The following PLEC variants were observed in gnomAD, a reference collection of about 807,000 sequenced individuals.
The protein encoded by PLEC is plectin.
In PLEC, 216 loss-of-function variants were observed where a neutral mutation model predicts 392.8. The ratio of observed to expected loss-of-function variants is 0.55; its 90% CI spans 0.49 to 0.62. The LOEUF is 0.62. Ranked by LOEUF, PLEC falls within the 20% of genes least tolerant of loss-of-function variation. The pLI, the probability that PLEC is intolerant of heterozygous loss-of-function variation, is 0.00. For missense variants in PLEC, 6,863 were observed against 6,563.4 expected (o/e 1.05, Z -1.58); for synonymous variants, 3,621 against 2,980.6 (o/e 1.21, Z -7.00).
In PLEC at chr8:143,938,611, C is replaced by T. The variant is rs782484188; in HGVS notation, c.174+20G>A. The T allele has an allele frequency of 3.1e-6, 5 of 1,612,974 alleles. No individual in the cohort carries two copies. The highest frequency in any genetic ancestry group is 1.7e-5 in the Admixed American group (1 of 60,032). On this transcript the variant is annotated intron_variant, in intron 2 of 31. Transcript: ENST00000345136. ...CCACAGCCTCAGCCCCTGTGACACGCACCAGCATGCGCCACCAACCTTGAT... is the reference window on the plus strand; with the variant it reads ...CCACAGCCTCAGCCCCTGTGACACGTACCAGCATGCGCCACCAACCTTGAT...
rs1337092012 is a variant in PLEC, at chr8:143,927,328, A to T, written c.3764T>A (p.Leu1255Gln). ...REQLRQEQAL[L>Q]EEIERHGEKV... ...CTCGCCGTGGCGCTCGATCTCCTCC[A>T]GCAGGGCCTGGGTGATGGTGTGGTC... Residue 1255 changes from leucine to glutamine, a missense_variant, in exon 28 of 32, where the codon CTG becomes CAG. Leu to Gln is a moderately radical substitution (Grantham distance 113). Coordinates refer to ENST00000345136, the MANE Select transcript of PLEC (RefSeq NM_201384.3). The T allele has an allele frequency of 3.7e-6, 6 of 1,612,900 alleles. No homozygotes were observed. Among genetic ancestry groups the T allele is most frequent in the Non-Finnish European group, 5.1e-6 (6 of 1,179,926 alleles).
Position 143,927,581 on chromosome 8 carries a change from G to A in PLEC, c.3585C>T (p.Thr1195=), listed in dbSNP as rs782335843. The change falls in exon 27 of 32, where the codon ACC becomes ACT. Residue 1195 remains threonine, a synonymous_variant. Coordinates refer to ENST00000345136, the MANE Select transcript of PLEC (RefSeq NM_201384.3). ...GCTCGAGCTCGCGCTGCCGCACGTC[G>A]GTCTGGGCCAGCACAGCCTGCCAGC... ...LERWQAVLAQ[T]DVRQRELEQL... 9.7e-5 allele frequency: 154 copies of A among 1,589,792 alleles called. No homozygotes were observed. Among genetic ancestry groups the A allele is most frequent in the Middle Eastern group, 1.7e-4 (1 of 6,020 alleles).
At chr8:143,946,423 G>A (rs1587333020) in intron 1 of PLEC, 1 of 1,285,596 alleles carries the variant, frequency 7.8e-7, no homozygotes, top group Middle Eastern at 2.1e-4. Flanking sequence ...TGCTCCGAGA[G>A]CCGGCAGGGA....
upstream of PLEC, among the ~76,000 whole-genome samples, chr8:143,958,071 G>A (rs1414182051): frequency 1.3e-5 from 2 of 152,176 alleles, no homozygotes; most frequent in African/African-American, 4.8e-5. The surrounding 1 kb of genome is among the most constrained non-coding windows in gnomAD (Gnocchi z 4.9). Flanking sequence ...GCCTGAGCCT[G>A]CGGCAGGTCC....
intron 1 of PLEC, among the ~76,000 whole-genome samples, chr8:143,963,750 C>A (rs1415269180): frequency 6.6e-6 from 1 of 151,692 alleles, no homozygotes; most frequent in African/African-American, 2.4e-5. Context: ...TTAAGCAATC[C>A]TCCTACCTCC....
upstream of PLEC, chr8:143,975,399 A>G: frequency 6.3e-7 from 1 of 1,593,830 alleles, no homozygotes; most frequent in East Asian, 2.2e-5. The surrounding 1 kb of genome is among the most constrained non-coding windows in gnomAD (Gnocchi z 9.9). Flanking sequence ...AGGAGGGGTC[A>G]CATCTCTGCC....
At chr8:143,953,594 C>T (rs1554738065), upstream of PLEC, 6 of 998,818 alleles carry the variant, frequency 6.0e-6, no homozygotes, top group Non-Finnish European at 7.7e-6. Context: ...TCTCCTGCGG[C>T]TCTGGCTCAG....
At chr8:143,973,545 C>G, upstream of PLEC, 1 of 1,139,636 alleles carries the variant, frequency 8.8e-7, no homozygotes, top group Non-Finnish European at 1.1e-6. This position sits in a 1 kb window ranked among gnomAD's most constrained non-coding sequence, Gnocchi z 5.6. Context: ...CGCGGCCGCG[C>G]GCGCCGCTTA....
At chr8:143,958,475 G>A, upstream of PLEC, 2 of 311,354 alleles carry the variant, frequency 6.4e-6, no homozygotes, top group South Asian at 2.4e-5. The surrounding 1 kb of genome is among the most constrained non-coding windows in gnomAD (Gnocchi z 4.9). Context: ...TCCATTAGGG[G>A]GCCCATCGTT....
In PLEC at chr8:143,919,688, C is replaced by A; in HGVS notation, c.10133G>T (p.Gly3378Val). 6.2e-7 allele frequency: 1 copy of A among 1,602,108 alleles called. No homozygotes were observed. Among genetic ancestry groups the A allele is most frequent in the Non-Finnish European group, 8.5e-7 (1 of 1,175,578 alleles). ...KVSIYEAMRR[G>V]LLRATTAALL... ...CGCAGCCGTTGTGGCTCTCAGCAGG[C>A]CCCGGCGCATGGCCTCGTAGATGGA... Residue 3378 changes from glycine to valine, a missense_variant, in exon 32 of 32, where the codon GGC becomes GTC. Gly to Val is a moderately radical substitution (Grantham distance 109). Coordinates refer to ENST00000345136, the MANE Select transcript of PLEC (RefSeq NM_201384.3).
chr8:143,943,729 C>T (rs782452068), upstream of PLEC: 25 of 1,549,674 alleles, frequency 1.6e-5, no homozygotes, highest in Admixed American at 3.2e-4. Context: ...GGGAGGCAGG[C>T]GGCCCCTCTG....
rs781938577 is a variant in PLEC, at chr8:143,918,074, G to A, written c.11747C>T (p.Thr3916Ile). Residue 3916 changes from threonine to isoleucine, a missense_variant, in exon 32 of 32, where the codon ACC becomes ATC. Physicochemically the swap from Thr to Ile is moderately conservative, Grantham distance 89. Transcript: ENST00000345136. ...GTTCTTGGTGACCTCCTCGATGGAG[G>A]TCAGGCCCTCCCGCAGCTGCAGCGC... Reference protein sequence around the residue: ...ATALQLREGLTSIEEVTKNLQ... With the variant: ...ATALQLREGLISIEEVTKNLQ... 1.9e-5 allele frequency: 31 copies of A among 1,599,506 alleles called. No individual in the cohort carries two copies. Among genetic ancestry groups the A allele is most frequent in the Non-Finnish European group, 2.3e-5 (27 of 1,175,420 alleles).
chr8:143,919,413 C>T lies in PLEC; in HGVS notation c.10408G>A (p.Ala3470Thr), dbSNP rs377602333. The T allele has an allele frequency of 2.0e-5, 33 of 1,613,232 alleles. No homozygotes were observed. The highest frequency in any genetic ancestry group is 1.1e-4 in the East Asian group (5 of 44,886). Reference sequence around the variant, plus strand: ...ACGGGGTCGATGATGCCGCCCGTGGCGATCTGGGCCTCCAGCAGGCGGATG... The same window carrying T: ...ACGGGGTCGATGATGCCGCCCGTGGTGATCTGGGCCTCCAGCAGGCGGATG... ...HGIRLLEAQIATGGIIDPVHS... is the reference protein window; with the variant it reads ...HGIRLLEAQITTGGIIDPVHS... Residue 3470 changes from alanine to threonine, a missense_variant, in exon 32 of 32, where the codon GCC becomes ACC. Transcript: ENST00000345136.
At chr8:143,967,472 T>C (rs1489774148) in intron 1 of PLEC, among the ~76,000 whole-genome samples, 1 of 151,890 alleles carries the variant, frequency 6.6e-6, no homozygotes, top group Non-Finnish European at 1.5e-5. Flanking sequence ...GCAGGAACTT[T>C]CCAGGAGCTG....
At chr8:143,971,556 C>T (rs1369063036) in intron 1 of PLEC, among the ~76,000 whole-genome samples, 2 of 152,172 alleles carry the variant, frequency 1.3e-5, no homozygotes, top group African/African-American at 2.4e-5. Flanking sequence ...CAGGGGCCAC[C>T]TCTGACCTCC....
rs781946897 is a variant in PLEC, at chr8:143,919,656, G to A, written c.10165C>T (p.Leu3389=). ...AAGCCAGTGGCCGCCTGCGCCTCCA[G>A]CAGGAGCGCAGCCGTTGTGGCTCTC... ...LLRATTAALL[L]EAQAATGFLV... The change falls in exon 32 of 32, where the codon CTG becomes TTG. Residue 3389 remains leucine (L), a synonymous_variant. Transcript: ENST00000345136. 2 of 1,592,114 alleles carry A rather than the reference G, an allele frequency of 1.3e-6. No homozygotes were observed. Among genetic ancestry groups the A allele is most frequent in the Non-Finnish European group, 1.7e-6 (2 of 1,171,542 alleles).
Position 143,924,247 on chromosome 8 carries a change from G to A in PLEC, c.5682C>T (p.Arg1894=). 1 of 1,597,752 alleles carries A rather than the reference G, an allele frequency of 6.3e-7. No individual in the cohort carries two copies. ...AAQHKADIEE[R]LAQLRKASDS... is the part of the protein sequence containing the mutation. ...CCGATGCCTTGCGCAGCTGGGCCAG[G>A]CGCTCCTCGATGTCAGCCTTGTGTT... is the stretch of plus-strand genomic sequence containing the variant. Residue 1894 remains arginine (R), a synonymous_variant, in exon 31 of 32, where the codon CGC becomes CGT. Coordinates refer to ENST00000345136, the MANE Select transcript of PLEC (RefSeq NM_201384.3).
In PLEC at chr8:143,917,060, G is replaced by A. The variant is rs913371011; in HGVS notation, c.12761C>T (p.Ser4254Phe). Residue 4254 changes from serine (S) to phenylalanine (F), a missense_variant, in exon 32 of 32, where the codon TCC (serine) becomes TTC (phenylalanine). Transcript: ENST00000345136. Reference protein sequence around the residue: ...RSRSSSVGSSSSYPISPAVSR... With the variant: ...RSRSSSVGSSFSYPISPAVSR... ...GACGGCGGGGCTGATGGGGTAGGAG[G>A]AGGAGGATCCCACCGAGGAGGAACG... is the stretch of plus-strand genomic sequence containing the variant. 6.8e-6 allele frequency: 11 copies of A among 1,607,922 alleles called. No individual in the cohort carries two copies. The highest frequency in any genetic ancestry group is 9.4e-6 in the Non-Finnish European group (11 of 1,175,830).
rs1366075600 is a variant in PLEC at position 143,918,919 on chromosome 8, C to T, written c.10902G>A (p.Gln3634=). Reference sequence around the variant, plus strand: ...CGTAGTCGTAGGAGGCCAGACCCTGCTGGCGGATGATCTCTGTCTTCTCAA... The same window carrying T: ...CGTAGTCGTAGGAGGCCAGACCCTGTTGGCGGATGATCTCTGTCTTCTCAA... ...EIIEKTEIIR[Q]QGLASYDYVR... The change falls in exon 32 of 32, where the codon CAG becomes CAA. Residue 3634 remains glutamine, a synonymous_variant. Transcript: ENST00000345136. 3 of 1,610,890 alleles carry T rather than the reference C, an allele frequency of 1.9e-6. No homozygotes were observed. Among genetic ancestry groups the T allele is most frequent in the Non-Finnish European group, 1.7e-6 (2 of 1,180,020 alleles).
Sources: gnomAD v4.1 joint callset for allele counts (sites outside exome capture counted in the v4.1 genomes callset) on GRCh38, gnomAD v4.1.1 for gene constraint, Gnocchi (gnomAD v3.1) non-coding constraint, MANE v1.5 for transcripts, NCBI Gene and HGNC (gene_info 2026-07-23, HGNC 2026-07-21) for gene names.